Variants in TINAGL1 observed in about 807,000 individuals in gnomAD.
TINAGL1 encodes tubulointerstitial nephritis antigen like 1, also known as tubulointerstitial nephritis antigen-like.
A neutral mutation model predicts 62.0 loss-of-function variants in TINAGL1; 34 were observed. The observed-to-expected ratio is 0.55, with a 90% CI of 0.42 to 0.73. The LOEUF is 0.73. Ranked by LOEUF, TINAGL1 falls within the 30% of genes least tolerant of loss-of-function variation. TINAGL1 has a pLI of 0.00. For missense variants in TINAGL1, 516 were observed against 653.2 expected (o/e 0.79, Z 2.29); for synonymous variants, 221 against 249.7 (o/e 0.88, Z 1.08).
In TINAGL1 at chr1:31,585,261, C is replaced by A; in HGVS notation, c.968C>A (p.Ala323Asp). The A allele has an allele frequency of 6.2e-7, 1 of 1,613,556 alleles. No individual in the cohort carries two copies. ...GCCATGGGTCGGGGCAAGCGCCAGG[C>A]CACTGCCCACTGCCCCAACAGCTAT... ...SRAMGRGKRQ[A>D]TAHCPNSYVN... Residue 323 changes from alanine to aspartate, a missense_variant, in exon 8 of 12, where the codon GCC becomes GAC. Transcript: ENST00000271064. This position sits in a 1 kb window ranked among gnomAD's most constrained non-coding sequence, Gnocchi z 4.3.
At chr1:31,580,189 C>CTCTCTCTG in intron 3 of TINAGL1, 1 of 437,066 alleles carries the variant, frequency 2.3e-6, no homozygotes, top group Non-Finnish European at 3.0e-6. Flanking sequence ...CTCTCTCTCT[C>CTCTCTCTG]TCTCTCTCTC....
chr1:31,581,443 T>C (rs1276757619), intron 3 of TINAGL1, among the ~76,000 whole-genome samples: 1 of 152,070 alleles, frequency 6.6e-6, no homozygotes, highest in Non-Finnish European at 1.5e-5. Context: ...GCCCTGCTGA[T>C]GGGGGACATG....
rs574832056 is a variant in TINAGL1 at position 31,577,976 on chromosome 1, A to G, written c.310+518A>G. ...CATGGGGCTTGGGCCGGCAGACTGC[A>G]TACCTGAGCTGTCATCTCAAGAGTG... On this transcript the variant is annotated intron_variant, in intron 2 of 11. Coordinates refer to ENST00000271064, the MANE Select transcript of TINAGL1 (RefSeq NM_022164.3). The surrounding 1 kb of genome is among the most constrained non-coding windows in gnomAD (Gnocchi z 5.4). Among the ~76,000 whole-genome samples the G allele has an allele frequency of 2.3e-4, 35 of 152,308 alleles. No homozygotes were observed. The highest frequency in any genetic ancestry group is 5.2e-4 in the Admixed American group (8 of 15,306).
chr1:31,583,906 A>G lies in TINAGL1; in HGVS notation c.582+331A>G. On this transcript the variant is annotated intron_variant, in intron 5 of 11. Transcript: ENST00000271064. This position sits in a 1 kb window ranked among gnomAD's most constrained non-coding sequence, Gnocchi z 4.4. ...GTCACCTTGGTATTTTGGGAAGGGA[A>G]GGACACACACTCCTCCAGTTCTGGC... 3.6e-6 allele frequency: 1 copy of G among 274,444 alleles called. No homozygotes were observed. Among genetic ancestry groups the G allele is most frequent in the Non-Finnish European group, 7.0e-6 (1 of 142,558 alleles). 17.0% of individuals were successfully genotyped at this position (274,444 alleles called of 1,614,324 possible).
intron 3 of TINAGL1, chr1:31,580,496 A>G (rs1404203508): frequency 1.6e-6 from 2 of 1,289,020 alleles, no homozygotes; most frequent in African/African-American, 3.0e-5. Flanking sequence ...GCTGCTGCCT[A>G]GGTGTGCAGA....
At position 31,587,123 on chromosome 1, in the gene TINAGL1, C is replaced by T. The variant is rs1368229769; in HGVS notation, c.*144C>T. The T allele has an allele frequency of 2.4e-6, 3 of 1,234,384 alleles. No individual in the cohort carries two copies. In the African/African-American group the frequency reaches 4.7e-5, roughly 20 times the overall value. 76.5% of individuals were successfully genotyped at this position (1,234,384 alleles called of 1,614,324 possible). A position where few individuals can be genotyped will look rare whatever the true frequency, so the allele number is the denominator to read the frequency against. ...AGGGCGCTAATCCCGGCGCGGGTTC[C>T]GCTGACGCAGCGCCCCGCCTGGGAG... On this transcript the variant is annotated 3_prime_UTR_variant, in exon 12 of 12. Coordinates refer to ENST00000271064, the MANE Select transcript of TINAGL1 (RefSeq NM_022164.3).
At chr1:31,579,372 CT>C in intron 3 of TINAGL1, 105 bp downstream of exon 3, 1 of 978,634 alleles carries the variant, frequency 1.0e-6, no homozygotes, top group Non-Finnish European at 1.6e-6. Flanking sequence ...AGTCTTTTCC[CT>C]TCTTTGAACC....
At chr1:31,579,496 G>C (rs1006326642) in intron 3 of TINAGL1, among the ~76,000 whole-genome samples, 1 of 152,208 alleles carries the variant, frequency 6.6e-6, no homozygotes, top group Non-Finnish European at 1.5e-5. Flanking sequence ...TGGCCCAGGG[G>C]TCACCCTTGA....
chr1:31,577,594 T>A lies in TINAGL1; in HGVS notation c.310+136T>A. 9.9e-7 allele frequency: 1 copy of A among 1,008,226 alleles called. No homozygotes were observed. Among genetic ancestry groups the A allele is most frequent in the Non-Finnish European group, 1.4e-6 (1 of 702,628 alleles). The allele number at this position is 1,008,226 out of a possible 1,614,324, so 62.5% of individuals were successfully genotyped here. On this transcript the variant is annotated intron_variant, in intron 2 of 11. Transcript: ENST00000271064. This position sits in a 1 kb window ranked among gnomAD's most constrained non-coding sequence, Gnocchi z 5.4. Reference sequence around the variant, plus strand: ...AATCTGGGACTCTTCCCTGCCCCTCTGGGAACTTTACTCTCCAGCAAGACT... The same window carrying A: ...AATCTGGGACTCTTCCCTGCCCCTCAGGGAACTTTACTCTCCAGCAAGACT...
Position 31,585,556 on chromosome 1 carries a change from G to C in TINAGL1, c.1093+71G>C. Reference sequence around the variant, plus strand: ...CTTGAGAGTGGGCACAGTAGCACAAGTGGCCTGCACAGCATTCAGCAGCAT... The same window carrying C: ...CTTGAGAGTGGGCACAGTAGCACAACTGGCCTGCACAGCATTCAGCAGCAT... On this transcript the variant is annotated intron_variant, in intron 9 of 11. Coordinates refer to ENST00000271064, the MANE Select transcript of TINAGL1 (RefSeq NM_022164.3). The surrounding 1 kb of genome is among the most constrained non-coding windows in gnomAD (Gnocchi z 4.3). The C allele has an allele frequency of 6.2e-7, 1 of 1,600,802 alleles. No homozygotes were observed. Among genetic ancestry groups the C allele is most frequent in the African/African-American group, 1.3e-5 (1 of 74,810 alleles).
chr1:31,585,581 T>G lies in TINAGL1; in HGVS notation c.1093+96T>G. 1 of 1,566,360 alleles carries G rather than the reference T, an allele frequency of 6.4e-7. No individual in the cohort carries two copies. ...GTGGCCTGCACAGCATTCAGCAGCATGTCCAGTAGGGCCAGGAGTAGGGGT... is the reference window on the plus strand; with the variant it reads ...GTGGCCTGCACAGCATTCAGCAGCAGGTCCAGTAGGGCCAGGAGTAGGGGT... On this transcript the variant is annotated intron_variant, in intron 9 of 11. Coordinates refer to ENST00000271064, the MANE Select transcript of TINAGL1 (RefSeq NM_022164.3). The surrounding 1 kb of genome is among the most constrained non-coding windows in gnomAD (Gnocchi z 4.3).
intron 10 of TINAGL1, chr1:31,586,255 G>C: frequency 3.2e-6 from 1 of 308,486 alleles, no homozygotes; most frequent in Non-Finnish European, 6.0e-6. Flanking sequence ...ATAGATGTTA[G>C]GATCACTGAC....
At position 31,577,203 on chromosome 1, in the gene TINAGL1, G is replaced by A. The variant is rs1388568476; in HGVS notation, c.55G>A (p.Ala19Thr). 3.1e-6 allele frequency: 5 copies of A among 1,594,128 alleles called. No individual in the cohort carries two copies. Among genetic ancestry groups the A allele is most frequent in the South Asian group, 2.2e-5 (2 of 89,326 alleles). Reference sequence around the variant, plus strand: ...GTTGCTGCCGCTGGCTGGCCACTTGGCTCTGGGTGCCCAGCAGGGTCGTGG... The same window carrying A: ...GTTGCTGCCGCTGGCTGGCCACTTGACTCTGGGTGCCCAGCAGGGTCGTGG... Reference protein sequence around the residue: ...LLLLPLAGHLALGAQQGRGRR... With the variant: ...LLLLPLAGHLTLGAQQGRGRR... The change falls in exon 2 of 12, where the codon GCT (alanine) becomes ACT (threonine). Residue 19 changes from alanine (A) to threonine (T), a missense_variant. Physicochemically the swap from Ala to Thr is moderately conservative, Grantham distance 58. Coordinates refer to ENST00000271064, the MANE Select transcript of TINAGL1 (RefSeq NM_022164.3). The surrounding 1 kb of genome is among the most constrained non-coding windows in gnomAD (Gnocchi z 5.4).
intron 3 of TINAGL1, chr1:31,579,815 T>C (rs988227188): frequency 1.9e-5 from 3 of 159,984 alleles, no homozygotes; most frequent in African/African-American, 7.2e-5. Context: ...AAGGGCCAGG[T>C]AGGAAACCCT....
At chr1:31,579,432 C>T (rs1041237767) in intron 3 of TINAGL1, among the ~76,000 whole-genome samples, 165 bp downstream of exon 3, 14 of 152,242 alleles carry the variant, frequency 9.2e-5, no homozygotes, top group African/African-American at 3.4e-4. Flanking sequence ...ACCAAGTCAA[C>T]TTATCTAACA....
Position 31,586,232 on chromosome 1 carries a change from C to T in TINAGL1, c.1217+356C>T, listed in dbSNP as rs140571030. The T allele has an allele frequency of 3.5e-3, 1,043 of 294,390 alleles. 3 individuals carry two copies. Among genetic ancestry groups the T allele is most frequent in the Admixed American group, 6.5e-3 (136 of 20,932 alleles). 18.2% of individuals were successfully genotyped at this position (294,390 alleles called of 1,614,324 possible). A position where few individuals can be genotyped will look rare whatever the true frequency, so the allele number is the denominator to read the frequency against. Reference sequence around the variant, plus strand: ...CTCCCCTGGCCTCAGTTTCCCTATCCGATTTAGGGAATATAGATGTTAGGA... The same window carrying T: ...CTCCCCTGGCCTCAGTTTCCCTATCTGATTTAGGGAATATAGATGTTAGGA... On this transcript the variant is annotated intron_variant, in intron 10 of 11. Coordinates refer to ENST00000271064, the MANE Select transcript of TINAGL1 (RefSeq NM_022164.3).
Position 31,577,307 on chromosome 1 carries a change from G to A in TINAGL1, c.159G>A (p.Leu53=). 1 of 1,613,606 alleles carries A rather than the reference G, an allele frequency of 6.2e-7. No individual in the cohort carries two copies. Among genetic ancestry groups the A allele is most frequent in the Non-Finnish European group, 8.5e-7 (1 of 1,179,966 alleles). ...GCCGGTACTGCCAGGAGCAGGACCT[G>A]TGCTGCCGCGGCCGTGCCGACGACT... The part of the protein sequence containing the change: ...AGGRYCQEQD[L]CCRGRADDCA... Residue 53 remains leucine, a synonymous_variant, in exon 2 of 12, where the codon CTG becomes CTA. Coordinates refer to ENST00000271064, the MANE Select transcript of TINAGL1 (RefSeq NM_022164.3). The surrounding 1 kb of genome is among the most constrained non-coding windows in gnomAD (Gnocchi z 5.4).
In TINAGL1 at chr1:31,583,976, C is replaced by T. The variant is rs905593941; in HGVS notation, c.582+401C>T. On this transcript the variant is annotated intron_variant, in intron 5 of 11. Coordinates refer to ENST00000271064, the MANE Select transcript of TINAGL1 (RefSeq NM_022164.3). The surrounding 1 kb of genome is among the most constrained non-coding windows in gnomAD (Gnocchi z 4.4). ...GAAATAAATGCCGGTTCAGCGGAAC[C>T]CCAAGGGAGGAGAGGGCTTCTCCCT... 5.3e-6 allele frequency: 1 copy of T among 187,882 alleles called. No individual in the cohort carries two copies. The allele number at this position is 187,882 out of a possible 1,614,324, so 11.6% of individuals were successfully genotyped here.
chr1:31,587,031 G>T lies in TINAGL1; in HGVS notation c.*52G>T. ...CCTGGGATCCAGGCTAAGGGCCGGC[G>T]GAAGAGGCCCCAATGGGGCGGTGAC... On this transcript the variant is annotated 3_prime_UTR_variant, in exon 12 of 12. Coordinates refer to ENST00000271064, the MANE Select transcript of TINAGL1 (RefSeq NM_022164.3). 7.1e-7 allele frequency: 1 copy of T among 1,400,844 alleles called. No individual in the cohort carries two copies. The highest frequency in any genetic ancestry group is 1.6e-5 in the South Asian group (1 of 62,128). The allele number at this position is 1,400,844 out of a possible 1,614,324, so 86.8% of individuals were successfully genotyped here.
Sources: gnomAD v4.1 joint callset for allele counts (sites outside exome capture counted in the v4.1 genomes callset) on GRCh38, gnomAD v4.1.1 for gene constraint, Gnocchi (gnomAD v3.1) non-coding constraint, MANE v1.5 for transcripts, NCBI Gene and HGNC (gene_info 2026-07-23, HGNC 2026-07-21) for gene names.